SPAG16: variants seen among roughly 807,000 people sequenced by gnomAD.
SPAG16 encodes the protein sperm associated antigen 16.
SPAG16 carries 86 observed loss-of-function variants against 80.4 expected under a neutral mutation model. That is an observed-to-expected ratio of 1.07 (90% CI 0.90 to 1.28). The LOEUF is 1.28. SPAG16 is among the 50% of genes most tolerant of loss of function. The pLI is 0.00. For missense variants in SPAG16, 870 were observed against 765.3 expected (o/e 1.14, Z -1.61); for synonymous variants, 294 against 265.9 (o/e 1.11, Z -1.03).
At chr2:213,382,008 G>T (rs2067199534) in intron 9 of SPAG16, among the ~76,000 whole-genome samples, 1 of 152,038 alleles carries the variant, frequency 6.6e-6, no homozygotes, top group Non-Finnish European at 1.5e-5. Context: ...AGCTGAATTT[G>T]GGTGGCACAT....
In SPAG16 at chr2:213,328,346, G is replaced by A. The variant is rs187012255; in HGVS notation, c.536+10990G>A. Among the ~76,000 whole-genome samples, 576 of 147,912 alleles carry A rather than the reference G, an allele frequency of 3.9e-3. 2 individuals are homozygous for A. The highest frequency in any genetic ancestry group is 6.6e-3 in the Non-Finnish European group (430 of 65,252). ...TTATTCTTTTTGCAAATTATTTGAA[G>A]AGATTCATTGATCCTTTTTCAAAAC... On this transcript the variant is annotated intron_variant, in intron 5 of 15. Transcript: ENST00000331683.
chr2:213,867,822 G>A (rs10170275), intron 11 of SPAG16, among the ~76,000 whole-genome samples: 88,967 of 149,730 alleles, frequency 0.59, 28,289 homozygotes, highest in South Asian at 0.85. Flanking sequence ...TACTCGGGAG[G>A]CTGAGGCAGG....
chr2:214,385,291 T>C (rs1412211643), intron 15 of SPAG16, among the ~76,000 whole-genome samples: 1 of 152,220 alleles, frequency 6.6e-6, no homozygotes, highest in Non-Finnish European at 1.5e-5. Context: ...TTGGGATTAG[T>C]GTGAAGATTA....
In SPAG16 at chr2:213,406,904, AGGAATAACCCGAG is replaced by A. The variant is rs575338575; in HGVS notation, c.942+31786_942+31798del. Among the ~76,000 whole-genome samples the A allele has an allele frequency of 2.1e-3, 317 of 151,002 alleles. 3 individuals are homozygous for A. Among genetic ancestry groups the A allele is most frequent in the African/African-American group, 7.5e-3 (306 of 40,920 alleles). On this transcript the variant is annotated intron_variant, in intron 9 of 15. Transcript: ENST00000331683. ...AGAAATCAAGACCCACCCCAGTGCA[AGGAATAACCCGAG>A]CTCTCAGCGACGCGGATTTAAAAAA...
At chr2:213,353,598 C>A (rs551440107) in intron 7 of SPAG16, among the ~76,000 whole-genome samples, 1 of 152,272 alleles carries the variant, frequency 6.6e-6, no homozygotes, top group South Asian at 2.1e-4. Context: ...TTTATTTGCC[C>A]TTCATTTCCA....
intron 7 of SPAG16, among the ~76,000 whole-genome samples, chr2:213,360,819 A>T (rs1004755152): frequency 2.6e-5 from 4 of 152,184 alleles, no homozygotes; most frequent in Non-Finnish European, 4.4e-5. Context: ...TTTTGTGCTT[A>T]TATTTTGAAT....
intron 10 of SPAG16, among the ~76,000 whole-genome samples, chr2:213,791,549 G>C (rs781200760): frequency 1.8e-4 from 28 of 152,134 alleles, no homozygotes; most frequent in African/African-American, 6.5e-4. Flanking sequence ...AAAGGGATTA[G>C]ACTAGTGTTC....
intron 12 of SPAG16, among the ~76,000 whole-genome samples, chr2:213,966,544 T>A (rs1340672160): frequency 3.9e-5 from 6 of 152,282 alleles, no homozygotes; most frequent in Non-Finnish European, 7.4e-5. Flanking sequence ...AAGAAATTTT[T>A]AAAAAACATC....
chr2:213,364,934 A>G (rs1284478860), intron 8 of SPAG16: 1 of 152,228 alleles, frequency 6.6e-6, no homozygotes, highest in Non-Finnish European at 1.5e-5. Flanking sequence ...TCCGCCTTAT[A>G]AAACCAGGAA....
At chr2:214,031,828 AG>A (rs992491614) in intron 13 of SPAG16, among the ~76,000 whole-genome samples, 1 of 152,024 alleles carries the variant, frequency 6.6e-6, no homozygotes, top group Admixed American at 6.6e-5. Flanking sequence ...GAGAGAACCA[AG>A]GGGGGAAGTG....
At chr2:213,454,718 C>T (rs938472678) in intron 9 of SPAG16, among the ~76,000 whole-genome samples, 1 of 152,300 alleles carries the variant, frequency 6.6e-6, no homozygotes, top group Non-Finnish European at 1.5e-5. Context: ...AGATCTGTTG[C>T]TGCCCACATG....
chr2:213,743,118 T>C (rs965835844), intron 10 of SPAG16, among the ~76,000 whole-genome samples: 1 of 111,362 alleles, frequency 9.0e-6, no homozygotes, highest in Non-Finnish European at 2.2e-5. Flanking sequence ...TTAGCGAGGA[T>C]GGTCTCTATC....
At chr2:214,060,172 T>A (rs533276678) in intron 13 of SPAG16, among the ~76,000 whole-genome samples, 11 of 152,026 alleles carry the variant, frequency 7.2e-5, no homozygotes, top group South Asian at 2.1e-4. Flanking sequence ...AGGAAAAAAA[T>A]TTTTCCCTAT....
intron 12 of SPAG16, 44 bp downstream of exon 12, chr2:213,930,189 T>A: frequency 6.9e-7 from 1 of 1,443,416 alleles, no homozygotes. Flanking sequence ...TGCTGATACA[T>A]ATACGTGGGT....
At chr2:214,377,974 A>G (rs1298826832) in intron 15 of SPAG16, among the ~76,000 whole-genome samples, 1 of 152,208 alleles carries the variant, frequency 6.6e-6, no homozygotes, top group Non-Finnish European at 1.5e-5. Flanking sequence ...TTGGTCCAAT[A>G]TGATCACAAA....
intron 10 of SPAG16, among the ~76,000 whole-genome samples, chr2:213,717,742 A>G (rs922165002): frequency 6.6e-6 from 1 of 152,192 alleles, no homozygotes; most frequent in Non-Finnish European, 1.5e-5. Context: ...TCCCTAAAAT[A>G]TAGGAAAATA....
chr2:214,195,788 T>TAA (rs142330864), intron 15 of SPAG16, among the ~76,000 whole-genome samples: 4 of 151,724 alleles, frequency 2.6e-5, no homozygotes, highest in East Asian at 1.9e-4. Context: ...GAAATTCAAG[T>TAA]AAAAAAAACT....
At chr2:214,034,337 T>C (rs2048573902) in intron 13 of SPAG16, among the ~76,000 whole-genome samples, 3 of 152,264 alleles carry the variant, frequency 2.0e-5, no homozygotes, top group African/African-American at 7.2e-5. Context: ...ATTTTCACAC[T>C]GTGTTAAATA....
At chr2:214,239,386 T>C (rs1410689680) in intron 15 of SPAG16, 1 of 152,150 alleles carries the variant, frequency 6.6e-6, no homozygotes, top group Non-Finnish European at 1.5e-5. Context: ...CACAGATCTC[T>C]AGAACTTTTT....
Sources: gnomAD v4.1 joint callset for allele counts (sites outside exome capture counted in the v4.1 genomes callset) on GRCh38, gnomAD v4.1.1 for gene constraint, MANE v1.5 for transcripts, NCBI Gene and HGNC (gene_info 2026-07-23, HGNC 2026-07-21) for gene names.